Variants in CMSS1 observed in about 807,000 individuals in gnomAD.
CMSS1 encodes the protein cms1 ribosomal small subunit homolog.
A neutral mutation model predicts 43.5 loss-of-function variants in CMSS1; 33 were observed. The ratio of observed to expected loss-of-function variants is 0.76; its 90% confidence interval spans 0.57 to 1.01. The LOEUF is 1.01. CMSS1 is among the 50% of genes least tolerant of loss of function. CMSS1 has a pLI of 0.00. For synonymous variants in CMSS1, 115 were observed against 117.2 expected (o/e 0.98, Z 0.12); for missense variants, 313 against 326.4 (o/e 0.96, Z 0.32).
intron 1 of CMSS1, among the ~76,000 whole-genome samples, chr3:99,906,097 G>A (rs1233658460): frequency 2.0e-5 from 3 of 152,172 alleles, no homozygotes; most frequent in Admixed American, 6.5e-5. Context: ...CGGGGGCTGA[G>A]GTGGGAGGAT....
intron 1 of CMSS1, among the ~76,000 whole-genome samples, chr3:99,859,176 A>G (rs1944117932): frequency 6.6e-6 from 1 of 152,268 alleles, no homozygotes. Context: ...CCATAGTGCT[A>G]TGCAGTTCAG....
At chr3:100,146,468 G>A (rs779086095) in intron 1 of CMSS1, among the ~76,000 whole-genome samples, 1 of 152,086 alleles carries the variant, frequency 6.6e-6, no homozygotes, top group Non-Finnish European at 1.5e-5. Context: ...GTGTGACCTT[G>A]GGCAAATGGC....
chr3:100,044,195 C>T (rs1250152498), intron 1 of CMSS1, among the ~76,000 whole-genome samples: 2 of 152,156 alleles, frequency 1.3e-5, no homozygotes, highest in African/African-American at 4.8e-5. Flanking sequence ...ATTCATTTAA[C>T]AAATTTTGAT....
At chr3:99,894,289 G>C (rs1021612341) in intron 1 of CMSS1, among the ~76,000 whole-genome samples, 1 of 152,198 alleles carries the variant, frequency 6.6e-6, no homozygotes, top group African/African-American at 2.4e-5. Context: ...GTAAGAGAAG[G>C]TGGCACTTAG....
intron 4 of CMSS1, among the ~76,000 whole-genome samples, chr3:100,164,962 G>A (rs968048789): frequency 5.3e-5 from 8 of 152,092 alleles, no homozygotes; most frequent in African/African-American, 7.2e-5. Context: ...GGAGTCACCC[G>A]GAGCTAATTA....
At chr3:99,873,197 C>T (rs766582650) in intron 1 of CMSS1, among the ~76,000 whole-genome samples, 2 of 152,192 alleles carry the variant, frequency 1.3e-5, no homozygotes, top group Non-Finnish European at 2.9e-5. Context: ...TGCAGTGTCT[C>T]TTCATCTTTA....
rs541398669 is a variant in CMSS1 at position 100,042,489 on chromosome 3, T to C, written c.65-104484T>C. 3.3e-5 allele frequency among the ~76,000 whole-genome samples: 5 copies of C among 152,356 alleles called. No individual in the cohort carries two copies. The South Asian group carries it at 8.3e-4, about 25-fold the overall frequency. On this transcript the variant is annotated intron_variant, in intron 1 of 9. Coordinates refer to ENST00000421999, the MANE Select transcript of CMSS1 (RefSeq NM_032359.4). ...ACAAGATCTTTGTGCACCTTTTGAC[T>C]AATCAGAGACAAATCATATCAGGCT...
In CMSS1 at chr3:99,896,600, A is replaced by C. The variant is rs144409821; in HGVS notation, c.64+78557A>C. 4.5e-3 allele frequency among the ~76,000 whole-genome samples: 688 copies of C among 152,290 alleles called. 7 individuals carry two copies. Among genetic ancestry groups the C allele is most frequent in the African/African-American group, 0.016 (674 of 41,550 alleles). ...ACAAAAAGAGAGGAAGTAGTTAACA[A>C]CAACTATTTTGATGGGCTAAGAACA... On this transcript the variant is annotated intron_variant, in intron 1 of 9. Coordinates refer to ENST00000421999, the MANE Select transcript of CMSS1 (RefSeq NM_032359.4).
chr3:99,849,101 T>C, intron 1 of CMSS1: 3 of 1,614,174 alleles, frequency 1.9e-6, no homozygotes, highest in Non-Finnish European at 2.5e-6. Context: ...CATAGCTTTC[T>C]GTTAACAGGA....
chr3:100,013,204 G>A (rs1262336498), intron 1 of CMSS1, among the ~76,000 whole-genome samples: 4 of 146,972 alleles, frequency 2.7e-5, no homozygotes, highest in African/African-American at 1.0e-4. Flanking sequence ...CCCATTTCAA[G>A]GCCAGTGAGG....
chr3:99,985,152 A>C (rs1170319578), intron 1 of CMSS1, among the ~76,000 whole-genome samples: 1 of 152,188 alleles, frequency 6.6e-6, no homozygotes, highest in African/African-American at 2.4e-5. Context: ...TAAAGAGAAG[A>C]TTGAACAAAA....
chr3:100,113,643 C>T (rs1169505057), intron 1 of CMSS1, among the ~76,000 whole-genome samples: 1 of 152,200 alleles, frequency 6.6e-6, no homozygotes, highest in Admixed American at 6.5e-5. Flanking sequence ...CCATTTTCAA[C>T]ACATTGTGAT....
intron 1 of CMSS1, among the ~76,000 whole-genome samples, chr3:99,875,196 T>C (rs1705449520): frequency 6.6e-6 from 1 of 152,204 alleles, no homozygotes; most frequent in Non-Finnish European, 1.5e-5. Flanking sequence ...TTGGAAAAAA[T>C]GAAGTAAAAT....
rs1486958598 is a variant in CMSS1, at chr3:100,180,997, C to T, written c.*2609C>T. On this transcript the variant is annotated 3_prime_UTR_variant, in exon 10 of 10. Transcript: ENST00000421999. ...GAAGATGAAAGGGATGCAACCACAT[C>T]TTGTGGCAACAAGAGAGCAAGAGAG... 1 of 152,332 alleles carries T rather than the reference C, an allele frequency of 6.6e-6. No individual in the cohort carries two copies. Among genetic ancestry groups the T allele is most frequent in the Admixed American group, 6.5e-5 (1 of 15,278 alleles). The allele number at this position is 152,332 out of a possible 1,614,324, so 9.4% of individuals were successfully genotyped here.
chr3:99,904,103 A>G (rs533675537), intron 1 of CMSS1, among the ~76,000 whole-genome samples: 3 of 152,258 alleles, frequency 2.0e-5, no homozygotes, highest in South Asian at 4.1e-4. Context: ...AAGCTGCCCA[A>G]TTTTCAGACA....
intron 1 of CMSS1, among the ~76,000 whole-genome samples, chr3:99,917,109 G>C (rs1706977828): frequency 6.6e-6 from 1 of 152,150 alleles, no homozygotes; most frequent in African/African-American, 2.4e-5. Context: ...TTATAGGGCT[G>C]TTAAACTAGT....
At chr3:100,069,847 A>G (rs1281757325) in intron 1 of CMSS1, among the ~76,000 whole-genome samples, 1 of 152,150 alleles carries the variant, frequency 6.6e-6, no homozygotes, top group Non-Finnish European at 1.5e-5. Flanking sequence ...GAGGGAGCTG[A>G]TATCTACCCT....
At chr3:99,983,389 A>AATATATATATATATATAT (rs397990626) in intron 1 of CMSS1, among the ~76,000 whole-genome samples, 1 of 40,786 alleles carries the variant, frequency 2.5e-5, no homozygotes, top group African/African-American at 1.0e-4. Flanking sequence ...TAAATAAATA[A>AATATATATATATATATAT]ATATATATAT....
In CMSS1 at chr3:100,080,327, A is replaced by G. The variant is rs192223943; in HGVS notation, c.65-66646A>G. Among the ~76,000 whole-genome samples, 10 of 152,188 alleles carry G rather than the reference A, an allele frequency of 6.6e-5. No homozygotes were observed. In the East Asian group the frequency reaches 1.7e-3, roughly 26 times the overall value. ...TCATAACCTAGCTAAGAGGGGGAAA[A>G]AAAAATTTAATAACTCTAGGGTTCT... On this transcript the variant is annotated intron_variant, in intron 1 of 9. Coordinates refer to ENST00000421999, the MANE Select transcript of CMSS1 (RefSeq NM_032359.4).
Sources: allele counts gnomAD v4.1 joint callset (sites outside exome capture counted in the v4.1 genomes callset), GRCh38; gene constraint gnomAD v4.1.1; transcripts MANE v1.5; gene names NCBI Gene and HGNC (gene_info 2026-07-23, HGNC 2026-07-21).